The following PHF10 variants were observed in gnomAD, a reference collection of about 807,000 sequenced individuals.
PHF10 encodes PHD finger protein 10, also known as BRG1-associated factor 45a.
A neutral mutation model predicts 68.5 loss-of-function variants in PHF10; 51 were observed. The ratio of observed to expected loss-of-function variants is 0.74; its 90% confidence interval spans 0.59 to 0.94. PHF10 has a LOEUF of 0.94. Ranked by LOEUF, PHF10 falls within the 40% of genes least tolerant of loss-of-function variation. PHF10 has a pLI of 0.00. For missense variants in PHF10, 460 were observed against 602.6 expected, an observed-to-expected ratio of 0.76 and a Z score of 2.48; for synonymous variants, 204 against 203.5, an observed-to-expected ratio of 1.00 and a Z score of -0.02.
chr6:169,710,429 T>A lies in PHF10; in HGVS notation c.958-38A>T, dbSNP rs564009326. The A allele has an allele frequency of 2.2e-5, 33 of 1,492,512 alleles. No individual in the cohort carries two copies. The Admixed American group carries it at 3.1e-4, about 14-fold the overall frequency. The allele number at this position is 1,492,512 out of a possible 1,614,324, so 92.5% of individuals were successfully genotyped here. A position where few individuals can be genotyped will look rare whatever the true frequency, so the allele number is the denominator to read the frequency against. ...AGGCAAAAACAAAGATTCTTTGGAA[T>A]TAAGACAAATTTGAGTCTGGATTTT... On this transcript the variant is annotated intron_variant, in intron 8 of 11. Transcript: ENST00000339209.
In PHF10 at chr6:169,714,860, GA is replaced by G; in HGVS notation, c.694-19del. 8.3e-7 allele frequency: 1 copy of G among 1,204,568 alleles called. No homozygotes were observed. The highest frequency in any genetic ancestry group is 1.2e-6 in the Non-Finnish European group (1 of 806,058). 74.6% of individuals were successfully genotyped at this position (1,204,568 alleles called of 1,614,324 possible). ...TGGATAACCTACGTTAACATAAAGA[GA>G]AACACAAAACTGATTCCATGCTAAG... is the stretch of plus-strand genomic sequence containing the variant. On this transcript the variant is annotated intron_variant, in intron 6 of 11. Coordinates refer to ENST00000339209, the MANE Select transcript of PHF10 (RefSeq NM_018288.4).
chr6:169,715,890 A>G (rs754428619), intron 5 of PHF10, 33 bp from the exon 6 acceptor site: 24 of 1,599,758 alleles, frequency 1.5e-5, no homozygotes, highest in African/African-American at 5.4e-5. Context: ...GAAGTCACAT[A>G]TAACTTTCTA....
In PHF10 at chr6:169,723,772, G is replaced by A. The variant is rs1789245272; in HGVS notation, c.87+73C>T. The A allele has an allele frequency of 1.6e-5, 7 of 440,390 alleles. No homozygotes were observed. The South Asian group carries it at 5.8e-4, about 36-fold the overall frequency. 27.3% of individuals were successfully genotyped at this position (440,390 alleles called of 1,614,324 possible). A position where few individuals can be genotyped will look rare whatever the true frequency, so the allele number is the denominator to read the frequency against. On this transcript the variant is annotated intron_variant, in intron 1 of 11. Transcript: ENST00000339209. ...CCCGAGACGCTGGGCGGCCGCCGGT[G>A]GGACTGGGCCCACGCCCCGGCACCC...
chr6:169,705,601 C>A lies in PHF10; in HGVS notation c.1222+15G>T, dbSNP rs979957862. 2 of 1,219,132 alleles carry A rather than the reference C, an allele frequency of 1.6e-6. No individual in the cohort carries two copies. The highest frequency in any genetic ancestry group is 3.0e-5 in the African/African-American group (2 of 67,220). 75.5% of individuals were successfully genotyped at this position (1,219,132 alleles called of 1,614,324 possible). On this transcript the variant is annotated intron_variant, in intron 10 of 11. Coordinates refer to ENST00000339209, the MANE Select transcript of PHF10 (RefSeq NM_018288.4). Reference sequence around the variant, plus strand: ...TACGGTGGTTAAAATTTTAAAAAGACATTTCAATACTTACCACTATTCTCA... The same window carrying A: ...TACGGTGGTTAAAATTTTAAAAAGAAATTTCAATACTTACCACTATTCTCA...
chr6:169,723,559 C>T (rs2128332016), intron 1 of PHF10, among the ~76,000 whole-genome samples: 1 of 152,212 alleles, frequency 6.6e-6, no homozygotes, highest in East Asian at 1.9e-4. Flanking sequence ...CGTCCCACGG[C>T]TGGCCTAGGA....
Position 169,724,335 on chromosome 6 carries a change from ACTCGCTCGCCTCAGCCCCGCCG to A in PHF10, c.-426_-405del, listed in dbSNP as rs1231372799. Among the ~76,000 whole-genome samples the A allele has an allele frequency of 3.1e-4, 22 of 69,966 alleles. No homozygotes were observed. Among genetic ancestry groups the A allele is most frequent in the South Asian group, 1.2e-3 (2 of 1,684 alleles). The allele number at this position is 69,966 out of a possible 152,430, so 45.9% of individuals were successfully genotyped here. A position where few individuals can be genotyped will look rare whatever the true frequency, so the allele number is the denominator to read the frequency against. On this transcript the variant is annotated 5_prime_UTR_variant, in exon 1 of 12. Transcript: ENST00000339209. ...CGCCGCGACTCCCTTCAGCCCCGCC[ACTCGCTCGCCTCAGCCCCGCCG>A]CTCGCTCGCCTCAGCCCCGCGGCCG...
chr6:169,723,736 G>T, intron 1 of PHF10, 109 bp downstream of exon 1: 1 of 300,570 alleles, frequency 3.3e-6, no homozygotes, highest in Non-Finnish European at 5.2e-6. Flanking sequence ...CGCCCGGCCT[G>T]GGCCCACGCC....
At chr6:169,707,284 C>G (rs956142628) in intron 9 of PHF10, 3 of 152,180 alleles carry the variant, frequency 2.0e-5, no homozygotes, top group South Asian at 2.1e-4. Context: ...TCTGTTGTTA[C>G]TGCTACATTC....
chr6:169,722,231 TC>T lies in PHF10; in HGVS notation c.88-1121del, dbSNP rs758133118. Among the ~76,000 whole-genome samples, 7 of 152,336 alleles carry T rather than the reference TC, an allele frequency of 4.6e-5. No individual in the cohort carries two copies. The East Asian group carries it at 1.2e-3, about 25-fold the overall frequency. On this transcript the variant is annotated intron_variant, in intron 1 of 11. Coordinates refer to ENST00000339209, the MANE Select transcript of PHF10 (RefSeq NM_018288.4). ...GCTCCTAGGAATTAACTGGTTCTTT[TC>T]CAAATAGTAAAATATATATTCTTTT...
At position 169,705,180 on chromosome 6, in the gene PHF10, T is replaced by C. The variant is rs767262713; in HGVS notation, c.1364A>G (p.Asp455Gly). ...CACACAAAAAGTATGATAACCTCTG[T>C]CACACATATCACAGAACATCATTTC... Reference protein sequence around the residue: ...EEEMMFCDMCDRGYHTFCVGL... With the variant: ...EEEMMFCDMCGRGYHTFCVGL... The change falls in exon 11 of 12, where the codon GAC (aspartate) becomes GGC (glycine). Residue 455 changes from aspartate (D) to glycine (G), a missense_variant. Coordinates refer to ENST00000339209, the MANE Select transcript of PHF10 (RefSeq NM_018288.4). 6.2e-7 allele frequency: 1 copy of C among 1,613,548 alleles called. No homozygotes were observed. The highest frequency in any genetic ancestry group is 8.5e-7 in the Non-Finnish European group (1 of 1,179,724).
chr6:169,704,276 G>A (rs1788692149), intron 11 of PHF10, 188 bp from the exon 12 acceptor site: 2 of 516,660 alleles, frequency 3.9e-6, no homozygotes, highest in Admixed American at 8.5e-5. Context: ...TCAATGCCAT[G>A]CAAAATTCAT....
rs1789255403 is a variant in PHF10 at position 169,723,960 on chromosome 6, CGCCGTCGCCTCCGCCTTGTCCCG to C, written c.-52_-30del. On this transcript the variant is annotated 5_prime_UTR_variant, in exon 1 of 12. Coordinates refer to ENST00000339209, the MANE Select transcript of PHF10 (RefSeq NM_018288.4). ...CCCGAGCGCCCCGCGCCGCCGCCGC[CGCCGTCGCCTCCGCCTTGTCCCG>C]GCCGCCGCCGCCGCTGCCGCCGCCG... 1 of 757,472 alleles carries C rather than the reference CGCCGTCGCCTCCGCCTTGTCCCG, an allele frequency of 1.3e-6. No homozygotes were observed. Among genetic ancestry groups the C allele is most frequent in the Non-Finnish European group, 1.6e-6 (1 of 624,086 alleles). The allele number at this position is 757,472 out of a possible 1,614,324, so 46.9% of individuals were successfully genotyped here.
intron 2 of PHF10, among the ~76,000 whole-genome samples, chr6:169,719,659 A>G (rs1789131510): frequency 6.6e-6 from 1 of 152,152 alleles, no homozygotes; most frequent in Admixed American, 6.5e-5. Flanking sequence ...ATAAAATTGG[A>G]CCTTTACCTC....
intron 8 of PHF10, 134 bp from the exon 9 acceptor site, chr6:169,710,525 A>C: frequency 1.4e-6 from 1 of 703,020 alleles, no homozygotes; most frequent in Non-Finnish European, 2.4e-6. Context: ...ATCATTCTAA[A>C]TGTAAGAAAG....
At chr6:169,718,033 G>A in intron 3 of PHF10, 127 bp from the exon 4 acceptor site, 25 of 459,328 alleles carry the variant, frequency 5.4e-5, no homozygotes, top group Admixed American at 2.0e-4. Flanking sequence ...TTATTAAAGG[G>A]GCTACAAAAA....
rs1788752877 is a variant in PHF10, at chr6:169,705,544, A to G, written c.1222+72T>C. 3.3e-6 allele frequency: 3 copies of G among 914,946 alleles called. No individual in the cohort carries two copies. The East Asian group carries it at 7.2e-5, about 22-fold the overall frequency. 56.7% of individuals were successfully genotyped at this position (914,946 alleles called of 1,614,324 possible). A position where few individuals can be genotyped will look rare whatever the true frequency, so the allele number is the denominator to read the frequency against. Reference sequence around the variant, plus strand: ...TGACTCTTTGGTTGAAATCTGCCTGAAACTATAAATTCTAGTTTTTGAACC... The same window carrying G: ...TGACTCTTTGGTTGAAATCTGCCTGGAACTATAAATTCTAGTTTTTGAACC... On this transcript the variant is annotated intron_variant, in intron 10 of 11. Coordinates refer to ENST00000339209, the MANE Select transcript of PHF10 (RefSeq NM_018288.4).
chr6:169,704,253 TTAATCAATG>T (rs1423211250), intron 11 of PHF10, 165 bp from the exon 12 acceptor site: 2 of 552,770 alleles, frequency 3.6e-6, no homozygotes, highest in Admixed American at 4.1e-5. Flanking sequence ...AAATGTAAAC[TTAATCAATG>T]TAATCAATGC....
At chr6:169,722,661 G>C (rs897824514) in intron 1 of PHF10, among the ~76,000 whole-genome samples, 1 of 152,174 alleles carries the variant, frequency 6.6e-6, no homozygotes, top group African/African-American at 2.4e-5. Flanking sequence ...CAGCAATATT[G>C]TTCCCAATAC....
intron 3 of PHF10, among the ~76,000 whole-genome samples, chr6:169,718,534 G>A (rs978790800): frequency 4.7e-4 from 72 of 152,120 alleles, no homozygotes; most frequent in Non-Finnish European, 1.5e-4. Context: ...GCCACGCGTC[G>A]TGGTGCACAC....
Sources: allele counts gnomAD v4.1 joint callset (sites outside exome capture counted in the v4.1 genomes callset), GRCh38; gene constraint gnomAD v4.1.1; transcripts MANE v1.5; gene names NCBI Gene and HGNC (gene_info 2026-07-23, HGNC 2026-07-21).